ARID1A: variants seen among roughly 807,000 people sequenced by gnomAD.
The protein encoded by ARID1A is AT-rich interactive domain-containing protein 1A.
ARID1A carries 20 observed loss-of-function variants against 212.6 expected under a neutral mutation model. The observed-to-expected ratio is 0.09, with a 90% CI of 0.07 to 0.14. The LOEUF is 0.14. Ranked by LOEUF, ARID1A falls within the 10% of genes least tolerant of loss-of-function variation. The pLI is 1.00. For synonymous variants in ARID1A, 1,376 were observed against 1,222.1 expected (o/e 1.13, Z -2.63); for missense variants, 2,587 against 3,059.0 (o/e 0.85, Z 3.64).
chr1:26,716,434 C>G (rs185266631), intron 1 of ARID1A, among the ~76,000 whole-genome samples: 13 of 152,168 alleles, frequency 8.5e-5, no homozygotes, highest in African/African-American at 2.9e-4. Context: ...CATTGGAGAA[C>G]AACACAACTG....
intron 1 of ARID1A, among the ~76,000 whole-genome samples, chr1:26,710,700 G>C (rs1000294869): frequency 1.3e-5 from 2 of 152,012 alleles, no homozygotes; most frequent in Non-Finnish European, 2.9e-5. Flanking sequence ...CCATTCTGAT[G>C]AACACTGAAG....
In ARID1A at chr1:26,755,245, T is replaced by A. The variant is rs899708343; in HGVS notation, c.1921-5611T>A. On this transcript the variant is annotated intron_variant, in intron 4 of 19. Coordinates refer to ENST00000324856, the MANE Select transcript of ARID1A (RefSeq NM_006015.6). The stretch of plus-strand genomic sequence containing the variant: ...TAGCTGTAGTTAATCGTAAATGATT[T>A]ACCCCTTTCTATGCTAACATTTTGG... Among the ~76,000 whole-genome samples the A allele has an allele frequency of 2.6e-5, 4 of 152,370 alleles. 1 individual carries two copies. The highest frequency in any genetic ancestry group is 9.6e-5 in the African/African-American group (4 of 41,588).
intron 11 of ARID1A, among the ~76,000 whole-genome samples, chr1:26,768,859 T>C (rs1391090807): frequency 6.6e-6 from 1 of 152,152 alleles, no homozygotes; most frequent in Admixed American, 6.5e-5. Flanking sequence ...TTGGATCAGT[T>C]TGTGGCTGAG....
chr1:26,700,109 A>G (rs76043262), intron 1 of ARID1A, among the ~76,000 whole-genome samples: 390 of 152,330 alleles, frequency 2.6e-3, no homozygotes, highest in Non-Finnish European at 4.5e-3. Context: ...TGTAAGAGAC[A>G]GTGCAGCTTC....
At chr1:26,739,780 C>T (rs887703032) in intron 4 of ARID1A, among the ~76,000 whole-genome samples, 6 of 152,122 alleles carry the variant, frequency 3.9e-5, no homozygotes, top group African/African-American at 1.4e-4. Context: ...TGGGGCCAAA[C>T]TTAGTTGGTC....
rs984895434 is a variant in ARID1A, at chr1:26,781,580, C to T, written c.*824C>T. Reference sequence around the variant, plus strand: ...ATCACCTCTTAGAACTGGTTTTAACCTTTAGCTGCAGCGGCTACGCTGCCA... The same window carrying T: ...ATCACCTCTTAGAACTGGTTTTAACTTTTAGCTGCAGCGGCTACGCTGCCA... On this transcript the variant is annotated 3_prime_UTR_variant, in exon 20 of 20. Coordinates refer to ENST00000324856, the MANE Select transcript of ARID1A (RefSeq NM_006015.6). 2.6e-5 allele frequency: 6 copies of T among 233,530 alleles called. No homozygotes were observed. The highest frequency in any genetic ancestry group is 5.1e-5 in the Non-Finnish European group (6 of 118,024). The allele number at this position is 233,530 out of a possible 1,614,324, so 14.5% of individuals were successfully genotyped here.
intron 1 of ARID1A, among the ~76,000 whole-genome samples, chr1:26,704,006 T>C (rs1037621892): frequency 6.6e-6 from 1 of 152,214 alleles, no homozygotes; most frequent in Non-Finnish European, 1.5e-5. Flanking sequence ...GAGGCTTTTT[T>C]TGTGAAGCTA....
chr1:26,720,235 C>T (rs1306216732), intron 1 of ARID1A, among the ~76,000 whole-genome samples: 1 of 147,074 alleles, frequency 6.8e-6, no homozygotes, highest in Non-Finnish European at 1.5e-5. Context: ...GGTGACAGAG[C>T]GAGGCTCTGT....
chr1:26,779,944 C>T lies in ARID1A; in HGVS notation c.6046C>T (p.Leu2016=), dbSNP rs1304083389. 1.9e-6 allele frequency: 3 copies of T among 1,614,040 alleles called. No homozygotes were observed. In the Admixed American group the frequency reaches 5.0e-5, roughly 27 times the overall value. Residue 2016 remains leucine (L), a synonymous_variant, in exon 20 of 20, where the codon CTG becomes TTG. Coordinates refer to ENST00000324856, the MANE Select transcript of ARID1A (RefSeq NM_006015.6). The part of the protein sequence containing the change: ...GLLLILGKLI[L]LHHKHPERKQ... The stretch of plus-strand genomic sequence containing the variant: ...GCTGCTCATCCTGGGCAAGCTGATC[C>T]TGCTGCACCACAAGCACCCAGAACG...
intron 1 of ARID1A, among the ~76,000 whole-genome samples, chr1:26,711,296 A>T (rs1447789241): frequency 3.3e-5 from 5 of 151,674 alleles, no homozygotes; most frequent in Non-Finnish European, 7.4e-5. Context: ...ATTTATATAT[A>T]TTTTTTAGTA....
Position 26,775,005 on chromosome 1 carries a change from G to A in ARID1A, c.4778G>A (p.Arg1593Gln), listed in dbSNP as rs910581978. The change falls in exon 18 of 20, where the codon CGG (arginine) becomes CAG (glutamine). Residue 1593 changes from arginine to glutamine, a missense_variant. Arg to Gln is a conservative substitution (Grantham distance 43, BLOSUM62 1). Around this residue, in one of 11 missense-constraint regions of ARID1A, gnomAD observed 890 missense variants for 1,098.2 expected, o/e 0.81. Coordinates refer to ENST00000324856, the MANE Select transcript of ARID1A (RefSeq NM_006015.6). ...GTATCCAGCCCTGCTCCCCTGCCCCGGCCAATGGAGAACCGCACCTCTCCT... is the reference window on the plus strand; with the variant it reads ...GTATCCAGCCCTGCTCCCCTGCCCCAGCCAATGGAGAACCGCACCTCTCCT... ...PQVSSPAPLP[R>Q]PMENRTSPSK... 14 of 1,569,666 alleles carry A rather than the reference G, an allele frequency of 8.9e-6. No homozygotes were observed. Among genetic ancestry groups the A allele is most frequent in the Admixed American group, 1.9e-5 (1 of 53,076 alleles).
Position 26,781,705 on chromosome 1 carries a change from G to A in ARID1A, c.*949G>A, listed in dbSNP as rs747678001. On this transcript the variant is annotated 3_prime_UTR_variant, in exon 20 of 20. Coordinates refer to ENST00000324856, the MANE Select transcript of ARID1A (RefSeq NM_006015.6). ...CCTTTATAGTATGACGAGTTAACAA[G>A]TTGGTGACCTGCACAAAGCGAGACA... The A allele has an allele frequency of 4.3e-6, 1 of 233,676 alleles. No individual in the cohort carries two copies. The highest frequency in any genetic ancestry group is 8.5e-6 in the Non-Finnish European group (1 of 118,090). 14.5% of individuals were successfully genotyped at this position (233,676 alleles called of 1,614,324 possible). A position where few individuals can be genotyped will look rare whatever the true frequency, so the allele number is the denominator to read the frequency against.
intron 4 of ARID1A, among the ~76,000 whole-genome samples, chr1:26,743,724 C>G (rs1421418396): frequency 7.0e-6 from 1 of 143,406 alleles, no homozygotes; most frequent in Admixed American, 7.2e-5. Flanking sequence ...CCCAGCTACT[C>G]GGGAGGCTGA....
intron 4 of ARID1A, among the ~76,000 whole-genome samples, chr1:26,752,595 G>A (rs1243731215): frequency 2.0e-5 from 3 of 152,270 alleles, no homozygotes; most frequent in Non-Finnish European, 4.4e-5. Flanking sequence ...TTCTTCCTTA[G>A]AGTTTAAGGC....
At chr1:26,729,231 A>G in intron 1 of ARID1A, 1 of 192,008 alleles carries the variant, frequency 5.2e-6, no homozygotes, top group South Asian at 9.9e-5. Context: ...CCACTATTGG[A>G]AGAATAGAAA....
At chr1:26,739,345 T>C (rs767346897) in intron 4 of ARID1A, among the ~76,000 whole-genome samples, 2 of 152,206 alleles carry the variant, frequency 1.3e-5, no homozygotes, top group Non-Finnish European at 1.5e-5. Flanking sequence ...GTGTTAAGAA[T>C]CACCTGAATT....
In ARID1A at chr1:26,731,613, T is replaced by A. The variant is rs371726505; in HGVS notation, c.1803+9T>A. 17 of 1,611,640 alleles carry A rather than the reference T, an allele frequency of 1.1e-5. No homozygotes were observed. In the East Asian group the frequency reaches 1.1e-4, roughly 11 times the overall value. Reference sequence around the variant, plus strand: ...GCTTCCCTCCACCGCAGGTAAGATATCCCTGCCTCCTGCCCTTCCCTGTGT... The same window carrying A: ...GCTTCCCTCCACCGCAGGTAAGATAACCCTGCCTCCTGCCCTTCCCTGTGT... On this transcript the variant is annotated intron_variant, in intron 3 of 19. Transcript: ENST00000324856.
At position 26,780,863 on chromosome 1, in the gene ARID1A, C is replaced by A. The variant is rs953605214; in HGVS notation, c.*107C>A. The A allele has an allele frequency of 1.6e-5, 23 of 1,423,342 alleles. No individual in the cohort carries two copies. The African/African-American group carries it at 3.1e-4, about 19-fold the overall frequency. The allele number at this position is 1,423,342 out of a possible 1,614,324, so 88.2% of individuals were successfully genotyped here. A position where few individuals can be genotyped will look rare whatever the true frequency, so the allele number is the denominator to read the frequency against. On this transcript the variant is annotated 3_prime_UTR_variant, in exon 20 of 20. Coordinates refer to ENST00000324856, the MANE Select transcript of ARID1A (RefSeq NM_006015.6). The surrounding 1 kb of genome is among the most constrained non-coding windows in gnomAD (Gnocchi z 7.2). The stretch of plus-strand genomic sequence containing the variant: ...AAAACCACCTCAGAATCCAGTTTAC[C>A]CTGTGCTGTCCAGCTTCTCCCTTGG...
At chr1:26,762,030 T>A in intron 6 of ARID1A, 122 bp from the exon 7 acceptor site, 1 of 1,142,734 alleles carries the variant, frequency 8.8e-7, no homozygotes. Flanking sequence ...GAAAATCAGA[T>A]AGAGACTCCA....
Sources: gnomAD v4.1 joint callset for allele counts (sites outside exome capture counted in the v4.1 genomes callset) on GRCh38, gnomAD v4.1.1 for gene constraint, gnomAD v4.1.1 regional missense constraint, Gnocchi (gnomAD v3.1) non-coding constraint, MANE v1.5 for transcripts, NCBI Gene and HGNC (gene_info 2026-07-23, HGNC 2026-07-21) for gene names.